SLC35E1: variants seen among roughly 807,000 people sequenced by gnomAD.
The protein encoded by SLC35E1 is solute carrier family 35, member E1.
SLC35E1 carries 12 observed loss-of-function variants against 31.0 expected under a neutral mutation model. The ratio of observed to expected loss-of-function variants is 0.39; its 90% confidence interval spans 0.25 to 0.63. The LOEUF is 0.63. SLC35E1 is among the 20% of genes least tolerant of loss of function. SLC35E1 has a pLI of 0.52. For missense variants in SLC35E1, 429 were observed against 572.2 expected (o/e 0.75, Z 2.55); for synonymous variants, 257 against 264.1 (o/e 0.97, Z 0.26).
chr19:16,557,319 G>C (rs1208458922), intron 4 of SLC35E1, among the ~76,000 whole-genome samples: 1 of 151,808 alleles, frequency 6.6e-6, no homozygotes, highest in South Asian at 2.1e-4. Flanking sequence ...TCAGCCTCCC[G>C]AGTAGCCGGG....
chr19:16,555,194 C>T lies in SLC35E1; in HGVS notation c.960G>A (p.Leu320=). 6.2e-7 allele frequency: 1 copy of T among 1,614,182 alleles called. No individual in the cohort carries two copies. The highest frequency in any genetic ancestry group is 8.5e-7 in the Non-Finnish European group (1 of 1,180,044). Residue 320 remains leucine (L), a synonymous_variant, in exon 5 of 6, where the codon CTG becomes CTA. Coordinates refer to ENST00000595753, the MANE Select transcript of SLC35E1 (RefSeq NM_024881.5). The surrounding 1 kb of genome is among the most constrained non-coding windows in gnomAD (Gnocchi z 4.1). ...CCCCCAGGATGGCGGTCATCATGCC[C>T]AGGACGTTGGTGCTGGTGACTGGGT... ...LRNPVTSTNV[L]GMMTAILGVF... is the part of the protein sequence containing the mutation.
At position 16,572,051 on chromosome 19, in the gene SLC35E1, G is replaced by A. The variant is rs1300902325; in HGVS notation, c.314C>T (p.Pro105Leu). 3 of 1,539,864 alleles carry A rather than the reference G, an allele frequency of 1.9e-6. No individual in the cohort carries two copies. Among genetic ancestry groups the A allele is most frequent in the Non-Finnish European group, 1.7e-6 (2 of 1,142,880 alleles). Residue 105 changes from proline to leucine, a missense_variant, in exon 1 of 6, where the codon CCG becomes CTG. Pro to Leu is a moderately conservative substitution (Grantham distance 98, BLOSUM62 -3). Transcript: ENST00000595753. This position sits in a 1 kb window ranked among gnomAD's most constrained non-coding sequence, Gnocchi z 4.1. ...TAGCACGTAGCGCGGGTAGAAGCGC[G>A]GCGGCAGCAGCGGGCCGGACGACGG... ...PHPSSGPLLP[P>L]RFYPRYVLPL... is the part of the protein sequence containing the mutation.
At chr19:16,562,714 A>G (rs892922125) in intron 4 of SLC35E1, among the ~76,000 whole-genome samples, 1 of 152,208 alleles carries the variant, frequency 6.6e-6, no homozygotes, top group East Asian at 1.9e-4. Context: ...CTGTATGTTT[A>G]TATTTATTTT....
Position 16,572,155 on chromosome 19 carries a change from G to A in SLC35E1, c.210C>T (p.Cys70=). The part of the protein sequence containing the change: ...TVSLCHILAL[C]AGLPPLLRAW... ...CGCGCAGCAGCGGCGGGAGCCCAGC[G>A]CACAGAGCCAGGATGTGGCACAGCG... Residue 70 remains cysteine, a synonymous_variant, in exon 1 of 6, where the codon TGC becomes TGT. Transcript: ENST00000595753. The surrounding 1 kb of genome is among the most constrained non-coding windows in gnomAD (Gnocchi z 4.1). 2.0e-6 allele frequency: 3 copies of A among 1,517,596 alleles called. No individual in the cohort carries two copies. Among genetic ancestry groups the A allele is most frequent in the Non-Finnish European group, 2.6e-6 (3 of 1,133,108 alleles). 94.0% of individuals were successfully genotyped at this position (1,517,596 alleles called of 1,614,324 possible).
intron 4 of SLC35E1, chr19:16,565,270 G>A (rs2085926005): frequency 5.3e-6 from 2 of 377,366 alleles, no homozygotes; most frequent in Non-Finnish European, 1.0e-5. Context: ...GAGTGCAGTG[G>A]TGCGATCTCG....
chr19:16,565,269 G>C (rs572412069), intron 4 of SLC35E1: 1 of 379,416 alleles, frequency 2.6e-6, no homozygotes, highest in South Asian at 1.9e-5. Flanking sequence ...GGAGTGCAGT[G>C]GTGCGATCTC....
chr19:16,566,482 T>C, intron 4 of SLC35E1, 50 bp downstream of exon 4: 1 of 1,609,744 alleles, frequency 6.2e-7, no homozygotes, highest in Non-Finnish European at 8.5e-7. Context: ...AAAGCACCTA[T>C]TCTGGAACTA....
intron 4 of SLC35E1, chr19:16,556,980 A>C (rs574961600): frequency 6.4e-6 from 3 of 471,204 alleles, no homozygotes; most frequent in South Asian, 4.6e-5. Context: ...TAGCCCCTGT[A>C]ATATATATGA....
At chr19:16,568,264 G>A (rs1220825124) in intron 2 of SLC35E1, 95 bp from the exon 3 acceptor site, 17 of 1,435,432 alleles carry the variant, frequency 1.2e-5, no homozygotes, top group Non-Finnish European at 9.3e-7. Flanking sequence ...TCCTCCCTCA[G>A]CAAAGGGATA....
intron 1 of SLC35E1, 104 bp from the exon 2 acceptor site, chr19:16,571,686 C>T: frequency 8.0e-7 from 1 of 1,245,232 alleles, no homozygotes; most frequent in Non-Finnish European, 1.2e-6. Flanking sequence ...CCTCACACCT[C>T]TTCGCCCCTT....
Position 16,550,384 on chromosome 19 carries a change from G to T in SLC35E1, c.*3295C>A. On this transcript the variant is annotated 3_prime_UTR_variant, in exon 6 of 6. Coordinates refer to ENST00000595753, the MANE Select transcript of SLC35E1 (RefSeq NM_024881.5). ...GGCCTGCAGATGAAAGCGTGGGAGT[G>T]GAGCATGTGGGGCGGGCACTGTCCG... 6.6e-6 allele frequency: 1 copy of T among 152,628 alleles called. No homozygotes were observed. The allele number at this position is 152,628 out of a possible 1,614,324, so 9.5% of individuals were successfully genotyped here.
At chr19:16,565,108 A>G (rs917253319) in intron 4 of SLC35E1, 1 of 456,496 alleles carries the variant, frequency 2.2e-6, no homozygotes, top group Non-Finnish European at 4.4e-6. Flanking sequence ...GCATTCATTT[A>G]TAACACATTC....
chr19:16,566,798 G>T, intron 3 of SLC35E1, 141 bp from the exon 4 acceptor site: 2 of 1,008,850 alleles, frequency 2.0e-6, no homozygotes, highest in Non-Finnish European at 2.9e-6. Flanking sequence ...GTGCATTTGT[G>T]AGGACATACA....
At chr19:16,570,543 C>T (rs1026719101) in intron 2 of SLC35E1, among the ~76,000 whole-genome samples, 6 of 152,148 alleles carry the variant, frequency 3.9e-5, no homozygotes, top group African/African-American at 9.7e-5. Context: ...AAGCTGTCTC[C>T]GGCTAAAGCC....
intron 1 of SLC35E1, 116 bp downstream of exon 1, chr19:16,571,828 C>G: frequency 8.5e-7 from 1 of 1,173,146 alleles, no homozygotes; most frequent in Non-Finnish European, 1.2e-6. Context: ...TTGGCAGCCC[C>G]TCTGCTGACT....
chr19:16,550,343 G>A lies in SLC35E1; in HGVS notation c.*3336C>T, dbSNP rs1040052213. 3.3e-5 allele frequency: 5 copies of A among 152,474 alleles called. No homozygotes were observed. In the East Asian group the frequency reaches 9.6e-4, roughly 29 times the overall value. The allele number at this position is 152,474 out of a possible 1,614,324, so 9.4% of individuals were successfully genotyped here. ...CTACCACAGAGCTCAGCAGTGAGGT[G>A]GCTGAGAGGAAGGCAGGCCTGCAGA... On this transcript the variant is annotated 3_prime_UTR_variant, in exon 6 of 6. Transcript: ENST00000595753.
intron 4 of SLC35E1, 82 bp downstream of exon 4, chr19:16,566,450 C>T (rs1461061634): frequency 1.3e-6 from 2 of 1,580,852 alleles, no homozygotes; most frequent in Middle Eastern, 2.2e-4. Flanking sequence ...ACAATGTTAA[C>T]ATGCAGCTAC....
At chr19:16,557,157 T>C (rs1757871712) in intron 4 of SLC35E1, 1 of 343,240 alleles carries the variant, frequency 2.9e-6, no homozygotes, top group South Asian at 2.2e-5. Flanking sequence ...AGATACATAA[T>C]AAAATGGACT....
chr19:16,569,599 A>C (rs974419980), intron 2 of SLC35E1, among the ~76,000 whole-genome samples: 25 of 152,122 alleles, frequency 1.6e-4, no homozygotes, highest in African/African-American at 6.0e-4. Flanking sequence ...AACACTCTTC[A>C]CTTTGGGAGG....
Sources: allele counts gnomAD v4.1 joint callset (sites outside exome capture counted in the v4.1 genomes callset), GRCh38; gene constraint gnomAD v4.1.1; non-coding constraint Gnocchi (gnomAD v3.1); transcripts MANE v1.5; gene names NCBI Gene and HGNC (gene_info 2026-07-23, HGNC 2026-07-21).